CCDC57: variants seen among roughly 807,000 people sequenced by gnomAD.
CCDC57 encodes the protein coiled-coil domain-containing protein 57.
CCDC57 carries 118 observed loss-of-function variants against 118.9 expected under a neutral mutation model. The observed-to-expected ratio is 0.99, with a 90% CI of 0.86 to 1.16. The LOEUF (loss-of-function observed/expected upper bound fraction) is 1.16, where lower values mean the gene tolerates loss of function less well. Among genes scored for constraint, CCDC57 ranks in the 50% most tolerant of loss-of-function variants. CCDC57 has a pLI of 0.00. For missense variants in CCDC57, 1,300 were observed against 1,320.7 expected, an observed-to-expected ratio of 0.98 and a Z score of 0.24; for synonymous variants, 527 against 532.9, an observed-to-expected ratio of 0.99 and a Z score of 0.15.
rs1383765136 is a variant in CCDC57 at position 82,167,136 on chromosome 17, C to T, written c.1883-3779G>A. ...AAGAAACAAAACACAGCCTCAGGGA[C>T]CAGCAGGACAATAACAAAAGACCAA... On this transcript the variant is annotated intron_variant, in intron 13 of 19. Transcript: ENST00000665763. Among the ~76,000 whole-genome samples, 3 of 152,004 alleles carry T rather than the reference C, an allele frequency of 2.0e-5. No individual in the cohort carries two copies. The East Asian group carries it at 5.8e-4, about 29-fold the overall frequency.
intron 14 of CCDC57, among the ~76,000 whole-genome samples, chr17:82,161,475 T>C (rs776002269): frequency 1.3e-5 from 2 of 152,188 alleles, no homozygotes; most frequent in African/African-American, 2.4e-5. Flanking sequence ...AGCAGCATTA[T>C]GCACAATCCA....
Position 82,212,390 on chromosome 17 carries a change from TTCCTC to T in CCDC57, c.-211+390_-211+394del, listed in dbSNP as rs1346723370. On this transcript the variant is annotated intron_variant, in intron 1 of 19. Coordinates refer to ENST00000665763, the Ensembl canonical transcript of CCDC57. The surrounding 1 kb of genome is among the most constrained non-coding windows in gnomAD (Gnocchi z 4.1). Reference sequence around the variant, plus strand: ...GAACCACCGCCTCCGGCCTTTTTTTTTCCTCTCTTTTTTTTTTTTTTTTTTTAAAC... The same window carrying T: ...GAACCACCGCCTCCGGCCTTTTTTTTTCTTTTTTTTTTTTTTTTTTTAAAC... 8.5e-5 allele frequency among the ~76,000 whole-genome samples: 3 copies of T among 35,288 alleles called. No individual in the cohort carries two copies. Among genetic ancestry groups the T allele is most frequent in the Admixed American group, 3.8e-4 (1 of 2,636 alleles). The allele number at this position is 35,288 out of a possible 152,430, so 23.2% of individuals were successfully genotyped here. A position where few individuals can be genotyped will look rare whatever the true frequency, so the allele number is the denominator to read the frequency against.
At chr17:82,101,968 G>C (rs2034481562) in intron 19 of CCDC57, 102 bp from the exon 19 acceptor site, 1 of 1,155,376 alleles carries the variant, frequency 8.7e-7, no homozygotes, top group Non-Finnish European at 1.2e-6. Flanking sequence ...CGTGTTCCCG[G>C]CCAGCGGGGG....
intron 16 of CCDC57, among the ~76,000 whole-genome samples, chr17:82,151,064 G>A (rs543921111): frequency 1.3e-4 from 15 of 118,042 alleles, no homozygotes; most frequent in African/African-American, 4.2e-4. Context: ...CCCGCACCCA[G>A]AACCAGGCGC....
chr17:82,158,796 G>A (rs896982833), intron 14 of CCDC57, among the ~76,000 whole-genome samples: 2 of 151,926 alleles, frequency 1.3e-5, no homozygotes, highest in South Asian at 4.2e-4. Context: ...GGGCTCAAGC[G>A]ATCCTTCTGC....
chr17:82,151,447 T>G, intron 16 of CCDC57, 113 bp downstream of exon 15: 1 of 636,544 alleles, frequency 1.6e-6, no homozygotes, highest in Non-Finnish European at 2.2e-6. Flanking sequence ...ATCCAGAACC[T>G]GGTGCACCCC....
Position 82,172,610 on chromosome 17 carries a change from G to GTTTCTCCCACTTC in CCDC57, c.1729+27_1729+28insGAAGTGGGAGAAA, listed in dbSNP as rs1568355239. ...CCCTCCCTCTCCCCCTTCCTCTCCC[G>GTTTCTCCCACTTC]CTCTGTCCGTTTCTCCCACTTACTC... On this transcript the variant is annotated intron_variant, in intron 12 of 19. Transcript: ENST00000665763. The surrounding 1 kb of genome is among the most constrained non-coding windows in gnomAD (Gnocchi z 5.2). 4 of 1,536,768 alleles carry GTTTCTCCCACTTC rather than the reference G, an allele frequency of 2.6e-6. No homozygotes were observed. The highest frequency in any genetic ancestry group is 3.5e-6 in the Non-Finnish European group (4 of 1,135,482).
chr17:82,142,747 A>G (rs1434889977), intron 16 of CCDC57, among the ~76,000 whole-genome samples: 1 of 152,224 alleles, frequency 6.6e-6, no homozygotes, highest in African/African-American at 2.4e-5. Flanking sequence ...AAGAATATCA[A>G]TACGTATATT....
At chr17:82,167,187 A>G (rs2044097430) in intron 13 of CCDC57, among the ~76,000 whole-genome samples, 1 of 152,160 alleles carries the variant, frequency 6.6e-6, no homozygotes, top group Non-Finnish European at 1.5e-5. Context: ...GAGCCCCAGA[A>G]GGAAAGAGTG....
chr17:82,108,052 A>G (rs879298775), intron 19 of CCDC57, among the ~76,000 whole-genome samples: 2 of 152,048 alleles, frequency 1.3e-5, no homozygotes, highest in Non-Finnish European at 2.9e-5. Flanking sequence ...CCCATTCCCA[A>G]TCCCACGTGC....
chr17:82,187,750 T>C (rs541595737), intron 8 of CCDC57, among the ~76,000 whole-genome samples: 1 of 30,106 alleles, frequency 3.3e-5, no homozygotes, highest in African/African-American at 1.4e-4. Flanking sequence ...CTGGCGGGGG[T>C]TGCGGGGGGA....
chr17:82,178,563 G>A lies in CCDC57; in HGVS notation c.1417C>T (p.Gln473Ter). Residue 473 changes from glutamine to a stop codon, truncating the protein, a stop_gained, in exon 11 of 20, where the codon CAG becomes TAG. Coordinates refer to ENST00000665763, the Ensembl canonical transcript of CCDC57. LOFTEE classifies it high-confidence loss of function. Reference sequence around the variant, plus strand: ...GTCACGGCCTTCAGCACCACCTCCTGCTCCTGTAGCGCCTGCTCTGTCTCC... The same window carrying A: ...GTCACGGCCTTCAGCACCACCTCCTACTCCTGTAGCGCCTGCTCTGTCTCC... 1 of 1,613,412 alleles carries A rather than the reference G, an allele frequency of 6.2e-7. No individual in the cohort carries two copies. The highest frequency in any genetic ancestry group is 8.5e-7 in the Non-Finnish European group (1 of 1,179,870).
chr17:82,147,078 C>T (rs1168357574), intron 16 of CCDC57, among the ~76,000 whole-genome samples: 1 of 152,150 alleles, frequency 6.6e-6, no homozygotes, highest in Non-Finnish European at 1.5e-5. Flanking sequence ...GGCTCCTCTA[C>T]TGGATGGGTG....
chr17:82,125,353 C>T (rs2037272280), intron 19 of CCDC57, among the ~76,000 whole-genome samples: 1 of 151,698 alleles, frequency 6.6e-6, no homozygotes, highest in Non-Finnish European at 1.5e-5. Flanking sequence ...GCCTGGGCAA[C>T]ATAGGGAGAC....
chr17:82,128,224 T>C (rs1468720655), intron 18 of CCDC57, among the ~76,000 whole-genome samples: 1 of 152,164 alleles, frequency 6.6e-6, no homozygotes, highest in Non-Finnish European at 1.5e-5. Context: ...GCAGGGCAGA[T>C]ACCCTGAGGG....
chr17:82,107,296 C>A (rs766324355), intron 19 of CCDC57: 4 of 407,850 alleles, frequency 9.8e-6, no homozygotes, highest in Admixed American at 7.5e-5. Flanking sequence ...AAGGCCCACA[C>A]ACCTGCAGCA....
intron 13 of CCDC57, among the ~76,000 whole-genome samples, chr17:82,167,974 A>G (rs572696980): frequency 6.6e-6 from 1 of 152,328 alleles, no homozygotes; most frequent in African/African-American, 2.4e-5. Context: ...CATCCTTGCC[A>G]TTAGTTTTCC....
rs538111875 is a variant in CCDC57, at chr17:82,129,877, C to T, written c.2578-1280G>A. 1.9e-4 allele frequency among the ~76,000 whole-genome samples: 29 copies of T among 150,684 alleles called. No individual in the cohort carries two copies. The South Asian group carries it at 5.0e-3, about 26-fold the overall frequency. ...CTGTACTCCAGCCTGGGCAACAGAG[C>T]GAAACTCTGTCTCAAAAAATAAATA... On this transcript the variant is annotated intron_variant, in intron 17 of 19. Transcript: ENST00000665763.
exon 19 of CCDC57, chr17:82,127,766 A>C (rs2037686505): frequency 6.2e-7 from 1 of 1,613,020 alleles, no homozygotes; most frequent in Middle Eastern, 1.7e-4. Context: ...CATGTCCTGG[A>C]GGGTGCCACT....
Sources: gnomAD v4.1 joint callset for allele counts (sites outside exome capture counted in the v4.1 genomes callset) on GRCh38, gnomAD v4.1.1 for gene constraint, Gnocchi (gnomAD v3.1) non-coding constraint, MANE v1.5 for transcripts, NCBI Gene and HGNC (gene_info 2026-07-23, HGNC 2026-07-21) for gene names.